Variants in CDH23 observed in about 807,000 individuals in gnomAD.
CDH23 encodes cadherin related 23.
Under a neutral mutation model 317.1 loss-of-function variants are expected in CDH23, and 189 were observed. That is an observed-to-expected ratio of 0.60 (90% CI 0.53 to 0.67). CDH23 has a LOEUF of 0.67. CDH23 is among the 30% of genes least tolerant of loss of function. The pLI, the probability that CDH23 is intolerant of heterozygous loss-of-function variation, is 0.00. For synonymous variants in CDH23, 1,839 were observed against 1,876.8 expected (o/e 0.98, Z 0.52); for missense variants, 4,401 against 4,592.4 (o/e 0.96, Z 1.20).
chr10:71,398,922 G>T (rs972985503), intron 1 of CDH23, among the ~76,000 whole-genome samples: 1 of 152,182 alleles, frequency 6.6e-6, no homozygotes, highest in African/African-American at 2.4e-5. Flanking sequence ...TCCTGGCCCC[G>T]TCTGTGCTGG....
chr10:71,707,195 C>A, intron 26 of CDH23, 146 bp downstream of exon 26: 1 of 1,512,416 alleles, frequency 6.6e-7, no homozygotes, highest in Non-Finnish European at 8.9e-7. Flanking sequence ...TCTGGTGGTG[C>A]CTCCCGAGGA....
chr10:71,534,178 A>C (rs1421644275), intron 6 of CDH23, among the ~76,000 whole-genome samples: 1 of 152,132 alleles, frequency 6.6e-6, no homozygotes. Flanking sequence ...CCAGGTGGCC[A>C]GCATATTTCC....
intron 1 of CDH23, among the ~76,000 whole-genome samples, chr10:71,436,437 G>A (rs1849624059): frequency 6.6e-6 from 1 of 152,198 alleles, no homozygotes; most frequent in Non-Finnish European, 1.5e-5. Flanking sequence ...TGCATATTGT[G>A]CTCCGTGAGG....
At chr10:71,479,175 G>A (rs1291234560) in intron 3 of CDH23, among the ~76,000 whole-genome samples, 1 of 152,072 alleles carries the variant, frequency 6.6e-6, no homozygotes, top group Non-Finnish European at 1.5e-5. Flanking sequence ...AAAGGAGGCA[G>A]GATTCAAACC....
chr10:71,440,565 G>A (rs1226591965), intron 2 of CDH23, among the ~76,000 whole-genome samples: 1 of 152,186 alleles, frequency 6.6e-6, no homozygotes, highest in East Asian at 1.9e-4. Flanking sequence ...GGAGGGCATA[G>A]TCTGAGCAAA....
At chr10:71,511,505 G>A (rs1381917661) in intron 6 of CDH23, among the ~76,000 whole-genome samples, 1 of 143,752 alleles carries the variant, frequency 7.0e-6, no homozygotes, top group African/African-American at 2.5e-5. Flanking sequence ...AGAAGCAGGT[G>A]TTGCACCCTC....
chr10:71,691,696 G>A (rs1234327), intron 20 of CDH23, among the ~76,000 whole-genome samples: 75,506 of 151,916 alleles, frequency 0.5, 19,041 homozygotes, highest in South Asian at 0.66. Context: ...TATGGGCCAG[G>A]CCCTGCCTGG....
At position 71,533,841 on chromosome 10, in the gene CDH23, C is replaced by G. The variant is rs118188401; in HGVS notation, c.429+22629C>G. 9.4e-4 allele frequency among the ~76,000 whole-genome samples: 143 copies of G among 152,128 alleles called. 2 individuals carry two copies. In the East Asian group the frequency reaches 0.025, roughly 26 times the overall value. The stretch of plus-strand genomic sequence containing the variant: ...TAAATATTCTCTCCCCCAGCCCGCT[C>G]TCATTACCAGCTGTCTAAATCTATA... On this transcript the variant is annotated intron_variant, in intron 6 of 69. Coordinates refer to ENST00000224721, the MANE Select transcript of CDH23 (RefSeq NM_022124.6).
intron 9 of CDH23, among the ~76,000 whole-genome samples, chr10:71,595,871 C>T (rs1233914372): frequency 6.6e-6 from 1 of 152,344 alleles, no homozygotes. Flanking sequence ...CACACCCCAG[C>T]CACTTTCAAG....
At chr10:71,440,086 A>C (rs1033306485) in intron 2 of CDH23, among the ~76,000 whole-genome samples, 188 bp downstream of exon 2, 4 of 152,196 alleles carry the variant, frequency 2.6e-5, no homozygotes, top group African/African-American at 9.7e-5. Flanking sequence ...ACAGGGCTGA[A>C]AATACCAGCT....
At chr10:71,811,682 C>G (rs1261489413) in intron 64 of CDH23, 31 bp from the exon 65 acceptor site, 15 of 1,612,766 alleles carry the variant, frequency 9.3e-6, no homozygotes, top group Non-Finnish European at 1.3e-5. Context: ...AGCTTGGCCC[C>G]CCTCACCAGC....
At chr10:71,432,261 T>A (rs1401994556) in intron 1 of CDH23, among the ~76,000 whole-genome samples, 2 of 149,372 alleles carry the variant, frequency 1.3e-5, no homozygotes, top group African/African-American at 5.0e-5. Context: ...TGTTTGAGAG[T>A]GTGTGTGTGC....
At chr10:71,707,248 C>T in intron 26 of CDH23, 199 bp downstream of exon 26, 1 of 1,457,740 alleles carries the variant, frequency 6.9e-7, no homozygotes, top group East Asian at 2.5e-5. Context: ...CTGGATCACT[C>T]TGGACTGGCT....
At chr10:71,501,430 G>A (rs1380475588) in intron 3 of CDH23, among the ~76,000 whole-genome samples, 1 of 152,158 alleles carries the variant, frequency 6.6e-6, no homozygotes, top group Non-Finnish European at 1.5e-5. Flanking sequence ...TTTGACCCAG[G>A]TCAAGGGTTT....
At chr10:71,586,109 G>A (rs371451313) in intron 9 of CDH23, among the ~76,000 whole-genome samples, 3 of 152,090 alleles carry the variant, frequency 2.0e-5, no homozygotes, top group East Asian at 1.9e-4. Flanking sequence ...TGGACTGCAC[G>A]GGCTCTTTTT....
At chr10:71,658,239 G>A (rs190232021) in intron 14 of CDH23, among the ~76,000 whole-genome samples, 157 of 152,292 alleles carry the variant, frequency 1.0e-3, no homozygotes, top group African/African-American at 3.3e-3. Flanking sequence ...AGGTAGGACC[G>A]GGGTAGAGAG....
At chr10:71,698,463 T>C (rs1191610957) in intron 22 of CDH23, among the ~76,000 whole-genome samples, 1 of 151,898 alleles carries the variant, frequency 6.6e-6, no homozygotes, top group African/African-American at 2.4e-5. Context: ...GGAGGTGATA[T>C]TTGAACAGGG....
At chr10:71,792,066 C>A (rs774100208) in intron 47 of CDH23, among the ~76,000 whole-genome samples, 2 of 152,056 alleles carry the variant, frequency 1.3e-5, no homozygotes, top group Admixed American at 1.3e-4. Flanking sequence ...TATAAAGCTA[C>A]AGTATTTAAG....
chr10:71,399,519 T>C (rs1847687020), intron 1 of CDH23, among the ~76,000 whole-genome samples: 1 of 152,206 alleles, frequency 6.6e-6, no homozygotes, highest in Non-Finnish European at 1.5e-5. Context: ...CCCCTTCGGG[T>C]TGTACCATGC....
Sources: gnomAD v4.1 joint callset for allele counts (sites outside exome capture counted in the v4.1 genomes callset) on GRCh38, gnomAD v4.1.1 for gene constraint, MANE v1.5 for transcripts, NCBI Gene and HGNC (gene_info 2026-07-23, HGNC 2026-07-21) for gene names.